Variants in VDAC1 observed in about 807,000 individuals in gnomAD.
The protein encoded by VDAC1 is non-selective voltage-gated ion channel VDAC1.
VDAC1 carries 10 observed loss-of-function variants against 34.7 expected under a neutral mutation model. The observed-to-expected ratio is 0.29, with a 90% CI of 0.18 to 0.49. The LOEUF (loss-of-function observed/expected upper bound fraction) is 0.49. VDAC1 is among the 20% of genes least tolerant of loss of function. VDAC1 has a pLI of 0.99. For missense variants in VDAC1, 230 were observed against 347.9 expected (o/e 0.66, Z 2.69); for synonymous variants, 130 against 136.0 (o/e 0.96, Z 0.30).
intron 5 of VDAC1, among the ~76,000 whole-genome samples, chr5:133,985,675 C>A (rs1312629832): frequency 2.0e-5 from 3 of 152,116 alleles, no homozygotes; most frequent in Non-Finnish European, 2.9e-5. Flanking sequence ...AGAAACCTAT[C>A]TTCATCTGCC....
chr5:134,084,359 A>G, the VDAC1 span, among the ~76,000 whole-genome samples: 1 of 152,150 alleles, frequency 6.6e-6, no homozygotes, highest in Non-Finnish European at 1.5e-5. Flanking sequence ...CCAGTGTTCT[A>G]TGTTGGGCCG....
chr5:134,096,832 G>A, the VDAC1 span, among the ~76,000 whole-genome samples: 1 of 152,146 alleles, frequency 6.6e-6, no homozygotes. Flanking sequence ...AGTTCAATCT[G>A]CCTGCCTCCG....
At chr5:133,987,391 T>C (rs958114682) in intron 5 of VDAC1, among the ~76,000 whole-genome samples, 28 of 151,558 alleles carry the variant, frequency 1.8e-4, no homozygotes, top group Non-Finnish European at 3.1e-4. Context: ...AAAATCACCA[T>C]TTGTAGCCAG....
chr5:133,981,118 G>T, intron 5 of VDAC1, 162 bp from the exon 6 acceptor site: 1 of 613,830 alleles, frequency 1.6e-6, no homozygotes. Context: ...CAATGAGCAG[G>T]ACACAACCTC....
At chr5:134,106,715 A>G in the VDAC1 span, among the ~76,000 whole-genome samples, 4 of 152,206 alleles carry the variant, frequency 2.6e-5, no homozygotes, top group East Asian at 3.9e-4. Context: ...CCGTCATCCT[A>G]TCTTACAGAT....
At chr5:134,014,400 C>A in the VDAC1 span, among the ~76,000 whole-genome samples, 1 of 152,144 alleles carries the variant, frequency 6.6e-6, no homozygotes, top group Non-Finnish European at 1.5e-5. Flanking sequence ...TGCCACCTCA[C>A]GCCGGTCAGA....
At chr5:134,025,344 C>T in the VDAC1 span, among the ~76,000 whole-genome samples, 1 of 152,126 alleles carries the variant, frequency 6.6e-6, no homozygotes, top group Non-Finnish European at 1.5e-5. Flanking sequence ...GGCACCAAGC[C>T]ATTCATCATT....
At chr5:134,076,344 G>A in the VDAC1 span, among the ~76,000 whole-genome samples, 1 of 152,210 alleles carries the variant, frequency 6.6e-6, no homozygotes, top group African/African-American at 2.4e-5. Flanking sequence ...TCGTGTGGAG[G>A]CCTTCCTGAG....
chr5:134,004,916 G>C lies in VDAC1; in HGVS notation c.-28C>G, dbSNP rs1369176279. 1 of 152,168 alleles carries C rather than the reference G, an allele frequency of 6.6e-6. No individual in the cohort carries two copies. The highest frequency in any genetic ancestry group is 6.5e-5 in the Admixed American group (1 of 15,276). 9.4% of individuals were successfully genotyped at this position (152,168 alleles called of 1,614,324 possible). ...TTACCCTTCCGGGCCCCGCTGCCCC[G>C]GCAGCAGACACAGGAGCCTGCGGGC... On this transcript the variant is annotated 5_prime_UTR_variant, in exon 1 of 9. Coordinates refer to ENST00000265333, the MANE Select transcript of VDAC1 (RefSeq NM_003374.3).
the VDAC1 span, among the ~76,000 whole-genome samples, chr5:134,087,573 G>A: frequency 2.6e-5 from 4 of 152,200 alleles, no homozygotes; most frequent in Non-Finnish European, 4.4e-5. Flanking sequence ...CAAAAAGAGC[G>A]GCCGGGCATG....
the VDAC1 span, among the ~76,000 whole-genome samples, chr5:134,092,482 C>T: frequency 0.018 from 2,786 of 152,038 alleles, 100 homozygotes; most frequent in African/African-American, 0.064. Flanking sequence ...CCTCATGTGC[C>T]GTTGAATCCT....
chr5:134,016,218 A>G, the VDAC1 span, among the ~76,000 whole-genome samples: 1 of 152,026 alleles, frequency 6.6e-6, no homozygotes, highest in Non-Finnish European at 1.5e-5. Flanking sequence ...TGCAGATCTC[A>G]TTATTATTGT....
At chr5:133,996,373 C>G (rs747688790) in intron 1 of VDAC1, among the ~76,000 whole-genome samples, 2 of 152,192 alleles carry the variant, frequency 1.3e-5, no homozygotes, top group African/African-American at 2.4e-5. Context: ...ACAAATTATG[C>G]AAGCCCCATT....
At chr5:134,030,665 G>A in the VDAC1 span, among the ~76,000 whole-genome samples, 1 of 150,846 alleles carries the variant, frequency 6.6e-6, no homozygotes, top group Non-Finnish European at 1.5e-5. Context: ...GTCCAGTGGT[G>A]ACAGCGATCT....
chr5:134,018,000 C>G, the VDAC1 span, among the ~76,000 whole-genome samples: 1 of 152,206 alleles, frequency 6.6e-6, no homozygotes, highest in Non-Finnish European at 1.5e-5. Context: ...GGCTTATCAC[C>G]CCTCTATGCA....
chr5:134,088,680 T>C, the VDAC1 span, among the ~76,000 whole-genome samples: 2 of 152,266 alleles, frequency 1.3e-5, no homozygotes, highest in Admixed American at 6.5e-5. Flanking sequence ...TGAACACTTA[T>C]GTAGCCACCT....
At chr5:134,075,530 C>T in the VDAC1 span, among the ~76,000 whole-genome samples, 1 of 152,238 alleles carries the variant, frequency 6.6e-6, no homozygotes. Context: ...TCATACACTA[C>T]TCACTACTAT....
chr5:133,987,056 C>T (rs1752933642), intron 5 of VDAC1, among the ~76,000 whole-genome samples: 1 of 152,140 alleles, frequency 6.6e-6, no homozygotes, highest in Non-Finnish European at 1.5e-5. Flanking sequence ...GGAAGGATGG[C>T]AATAGAAAAT....
At chr5:133,975,348 C>A (rs1752436548) in intron 7 of VDAC1, among the ~76,000 whole-genome samples, 1 of 152,132 alleles carries the variant, frequency 6.6e-6, no homozygotes, top group African/African-American at 2.4e-5. Context: ...ACAAAAGGCT[C>A]TGCACAGTGC....
Sources: allele counts gnomAD v4.1 joint callset (sites outside exome capture counted in the v4.1 genomes callset), GRCh38; gene constraint gnomAD v4.1.1; transcripts MANE v1.5; gene names NCBI Gene and HGNC (gene_info 2026-07-23, HGNC 2026-07-21).